Variants in OPCML observed in about 807,000 individuals in gnomAD.
OPCML encodes opioid binding protein/cell adhesion molecule like.
In OPCML, 13 loss-of-function variants were observed where a neutral mutation model predicts 37.8. The ratio of observed to expected loss-of-function variants is 0.34; its 90% CI spans 0.22 to 0.55. The LOEUF (loss-of-function observed/expected upper bound fraction) is 0.55, where lower values mean the gene tolerates loss of function less well. Ranked by LOEUF, OPCML falls within the 20% of genes least tolerant of loss-of-function variation. The pLI is 0.91. For synonymous variants in OPCML, 176 were observed against 168.8 expected, an observed-to-expected ratio of 1.04 and a Z score of -0.33; for missense variants, 341 against 435.6, an observed-to-expected ratio of 0.78 and a Z score of 1.93.
chr11:133,296,164 T>C (rs547002739), intron 1 of OPCML, among the ~76,000 whole-genome samples: 2 of 152,210 alleles, frequency 1.3e-5, no homozygotes, highest in East Asian at 1.9e-4. Context: ...ATGAAGGACA[T>C]GTCCTCTGCC....
At chr11:132,913,346 A>C (rs1045235399) in intron 2 of OPCML, among the ~76,000 whole-genome samples, 1 of 152,210 alleles carries the variant, frequency 6.6e-6, no homozygotes, top group East Asian at 1.9e-4. Flanking sequence ...ATATTCAGGA[A>C]ATCAATTAAC....
chr11:133,236,609 G>C (rs1396569667), intron 1 of OPCML, among the ~76,000 whole-genome samples: 1 of 152,152 alleles, frequency 6.6e-6, no homozygotes, highest in Non-Finnish European at 1.5e-5. Flanking sequence ...CCTGCTAGCC[G>C]TAATAAAGAA....
intron 2 of OPCML, among the ~76,000 whole-genome samples, chr11:132,723,470 T>G (rs1399989343): frequency 6.6e-6 from 1 of 152,128 alleles, no homozygotes; most frequent in African/African-American, 2.4e-5. Context: ...CCTCTGAGGG[T>G]GACTGTAAAA....
chr11:132,988,084 G>T (rs2135634), intron 1 of OPCML, among the ~76,000 whole-genome samples: 124,778 of 152,164 alleles, frequency 0.82, 51,804 homozygotes, highest in African/African-American at 0.95. Flanking sequence ...CAAGGACAGC[G>T]CATCCACGCC....
At chr11:133,040,005 A>G (rs902934248) in intron 1 of OPCML, among the ~76,000 whole-genome samples, 3 of 151,470 alleles carry the variant, frequency 2.0e-5, no homozygotes, top group Middle Eastern at 3.2e-3. Context: ...CTACAGCCTG[A>G]GTGACAGCAC....
intron 1 of OPCML, among the ~76,000 whole-genome samples, chr11:133,087,420 CT>C: frequency 6.6e-6 from 1 of 152,122 alleles, no homozygotes; most frequent in African/African-American, 2.4e-5. Flanking sequence ...ATAGGGGGTT[CT>C]TCAGCCTTTG....
intron 1 of OPCML, among the ~76,000 whole-genome samples, chr11:133,508,446 G>A (rs1300648865): frequency 1.3e-5 from 2 of 152,178 alleles, no homozygotes; most frequent in Non-Finnish European, 2.9e-5. Flanking sequence ...GGTGGTTTCT[G>A]CCCTCAGTTT....
chr11:132,640,709 G>A (rs1044160967), intron 3 of OPCML, among the ~76,000 whole-genome samples: 45 of 152,292 alleles, frequency 3.0e-4, no homozygotes, highest in African/African-American at 1.0e-3. Flanking sequence ...GTGTAACGCA[G>A]TAGTTACGGT....
At chr11:132,673,390 A>T (rs1942563310) in intron 2 of OPCML, among the ~76,000 whole-genome samples, 1 of 152,168 alleles carries the variant, frequency 6.6e-6, no homozygotes, top group Admixed American at 6.5e-5. Flanking sequence ...AGACATGAGG[A>T]AAGTGTCTCT....
At chr11:133,375,363 A>C (rs1592245199) in intron 1 of OPCML, among the ~76,000 whole-genome samples, 1 of 152,372 alleles carries the variant, frequency 6.6e-6, no homozygotes, top group Non-Finnish European at 1.5e-5. Context: ...CATGCCTTGC[A>C]GACCACGTGC....
At chr11:132,581,588 T>A (rs1299520034) in intron 3 of OPCML, among the ~76,000 whole-genome samples, 1 of 152,182 alleles carries the variant, frequency 6.6e-6, no homozygotes, top group African/African-American at 2.4e-5. Context: ...GGCAGAAAAC[T>A]AAGGCAGAGA....
intron 1 of OPCML, among the ~76,000 whole-genome samples, chr11:132,971,277 T>C (rs751890441): frequency 2.1e-4 from 32 of 152,196 alleles, no homozygotes; most frequent in Non-Finnish European, 2.8e-4. Context: ...AAATATTGAC[T>C]AAAATTTCCC....
chr11:132,635,391 G>A (rs888451273), intron 3 of OPCML, among the ~76,000 whole-genome samples: 1 of 152,070 alleles, frequency 6.6e-6, no homozygotes, highest in Non-Finnish European at 1.5e-5. Context: ...TTAGTCAAAT[G>A]TTGTTAAGGC....
At chr11:132,780,112 A>G (rs1946951100) in intron 2 of OPCML, among the ~76,000 whole-genome samples, 1 of 152,206 alleles carries the variant, frequency 6.6e-6, no homozygotes, top group South Asian at 2.1e-4. Context: ...AATCCTCATC[A>G]AAACACATCG....
At chr11:133,068,752 G>A (rs1948478439) in intron 1 of OPCML, among the ~76,000 whole-genome samples, 1 of 152,190 alleles carries the variant, frequency 6.6e-6, no homozygotes, top group African/African-American at 2.4e-5. Flanking sequence ...GCATAAGTTA[G>A]CACATCTGCT....
intron 1 of OPCML, among the ~76,000 whole-genome samples, chr11:132,973,556 C>T (rs1269999807): frequency 6.6e-6 from 1 of 152,174 alleles, no homozygotes; most frequent in Non-Finnish European, 1.5e-5. Flanking sequence ...AACTTGTCAT[C>T]AAATTCCAAG....
chr11:132,917,148 C>T lies in OPCML; in HGVS notation c.146+25778G>A, dbSNP rs116987935. Among the ~76,000 whole-genome samples the T allele has an allele frequency of 2.3e-3, 346 of 152,246 alleles. 1 individual carries two copies. Among genetic ancestry groups the T allele is most frequent in the Non-Finnish European group, 3.6e-3 (247 of 68,020 alleles). ...TGGAGTTAATTAGACAAATACCGTA[C>T]GCTCTAGTCCAATTGATTATTAAGA... On this transcript the variant is annotated intron_variant, in intron 2 of 7. Transcript: ENST00000524381.
At chr11:132,526,774 CT>C (rs892356072) in intron 4 of OPCML, among the ~76,000 whole-genome samples, 2 of 151,968 alleles carry the variant, frequency 1.3e-5, no homozygotes, top group Admixed American at 6.6e-5. Context: ...ATAAAATGCA[CT>C]TTTTTTTACA....
chr11:132,601,874 T>C (rs1054750483), intron 3 of OPCML, among the ~76,000 whole-genome samples: 1 of 152,138 alleles, frequency 6.6e-6, no homozygotes, highest in Non-Finnish European at 1.5e-5. Context: ...GCCATGGCAG[T>C]TTGGTTGCAC....
Sources: gnomAD v4.1 joint callset for allele counts (sites outside exome capture counted in the v4.1 genomes callset) on GRCh38, gnomAD v4.1.1 for gene constraint, MANE v1.5 for transcripts, NCBI Gene and HGNC (gene_info 2026-07-23, HGNC 2026-07-21) for gene names.